TMEM120B: variants seen among roughly 807,000 people sequenced by gnomAD.
TMEM120B encodes transmembrane protein 120B.
In TMEM120B, 31 loss-of-function variants were observed where a neutral mutation model predicts 55.5. That is an observed-to-expected ratio of 0.56 (90% CI 0.42 to 0.75). The LOEUF is 0.75. TMEM120B is among the 30% of genes least tolerant of loss of function. The pLI, the probability that TMEM120B is intolerant of heterozygous loss-of-function variation, is 0.00. For synonymous variants in TMEM120B, 203 were observed against 176.3 expected (o/e 1.15, Z -1.20); for missense variants, 399 against 425.5 (o/e 0.94, Z 0.55).
chr12:121,716,550 T>C (rs1894706166), intron 1 of TMEM120B, among the ~76,000 whole-genome samples: 1 of 133,526 alleles, frequency 7.5e-6, no homozygotes, highest in Non-Finnish European at 1.5e-5. Context: ...CCTCTTTTTC[T>C]CTTTTTTTTT....
At chr12:121,746,059 C>T (rs1873071419) in intron 2 of TMEM120B, among the ~76,000 whole-genome samples, 1 of 151,700 alleles carries the variant, frequency 6.6e-6, no homozygotes, top group Non-Finnish European at 1.5e-5. Flanking sequence ...CAGGGTTTTG[C>T]CATTTTGGCC....
chr12:121,749,147 G>A (rs527683858), intron 3 of TMEM120B, among the ~76,000 whole-genome samples: 1 of 152,294 alleles, frequency 6.6e-6, no homozygotes, highest in African/African-American at 2.4e-5. Flanking sequence ...GGCCTGTAGC[G>A]GGTGGGAGGG....
rs1403218847 is a variant in TMEM120B, at chr12:121,731,524, A to C, written c.70-12105A>C. Among the ~76,000 whole-genome samples, 2 of 152,294 alleles carry C rather than the reference A, an allele frequency of 1.3e-5. 1 individual carries two copies. Among genetic ancestry groups the C allele is most frequent in the Non-Finnish European group, 2.9e-5 (2 of 68,026 alleles). ...CCCTAGGCCCTGTTTAGATACATTT[A>C]GATACATGAATACTTACCACTGTGT... On this transcript the variant is annotated intron_variant, in intron 1 of 11. Transcript: ENST00000449592.
At chr12:121,733,454 T>C (rs552710952) in intron 1 of TMEM120B, among the ~76,000 whole-genome samples, 8 of 151,646 alleles carry the variant, frequency 5.3e-5, no homozygotes, top group Non-Finnish European at 1.2e-4. Context: ...CCATGTTAGC[T>C]AGGATGGGTT....
intron 8 of TMEM120B, 113 bp downstream of exon 8, chr12:121,771,662 G>C: frequency 4.6e-6 from 5 of 1,098,338 alleles, no homozygotes; most frequent in Non-Finnish European, 6.9e-6. Context: ...AGGGAGACCA[G>C]ACTGGGGGAG....
chr12:121,744,308 C>A (rs989421092), intron 2 of TMEM120B, among the ~76,000 whole-genome samples: 1 of 152,212 alleles, frequency 6.6e-6, no homozygotes, highest in African/African-American at 2.4e-5. Context: ...CATTTGTGAA[C>A]CAATCACTGA....
chr12:121,738,012 CAAAA>C (rs59357934), intron 1 of TMEM120B, among the ~76,000 whole-genome samples: 1 of 69,388 alleles, frequency 1.4e-5, no homozygotes. Context: ...CCTGTCTCCA[CAAAA>C]AAAAAAAAAA....
intron 5 of TMEM120B, chr12:121,758,090 G>C: frequency 1.1e-6 from 1 of 900,166 alleles, no homozygotes; most frequent in Non-Finnish European, 1.3e-6. Flanking sequence ...CTGCACTCCA[G>C]CCTGACTCTA....
At chr12:121,728,961 C>T (rs1194659115) in intron 1 of TMEM120B, among the ~76,000 whole-genome samples, 13 of 152,200 alleles carry the variant, frequency 8.5e-5, no homozygotes, top group Non-Finnish European at 1.8e-4. Flanking sequence ...TTGCTGGTTC[C>T]AGATGCCCAT....
intron 1 of TMEM120B, among the ~76,000 whole-genome samples, chr12:121,735,754 A>G (rs1396615738): frequency 1.4e-5 from 2 of 140,800 alleles, no homozygotes; most frequent in African/African-American, 5.3e-5. Flanking sequence ...GCAGTGGCGC[A>G]TTCTCGGCTC....
At chr12:121,759,964 C>G (rs1279549067) in intron 5 of TMEM120B, among the ~76,000 whole-genome samples, 1 of 151,916 alleles carries the variant, frequency 6.6e-6, no homozygotes, top group East Asian at 1.9e-4. Context: ...AACCTCTTCT[C>G]TACTAAAAGT....
At chr12:121,728,086 C>A (rs577938855) in intron 1 of TMEM120B, among the ~76,000 whole-genome samples, 1 of 151,578 alleles carries the variant, frequency 6.6e-6, no homozygotes, top group Non-Finnish European at 1.5e-5. Context: ...CGGTTCACTG[C>A]GCCCTCTGCC....
intron 5 of TMEM120B, among the ~76,000 whole-genome samples, chr12:121,757,403 G>C (rs1470742461): frequency 6.6e-6 from 1 of 150,936 alleles, no homozygotes; most frequent in African/African-American, 2.4e-5. Flanking sequence ...GTGCAGTGGC[G>C]CGATCTTGGC....
intron 5 of TMEM120B, among the ~76,000 whole-genome samples, chr12:121,760,904 C>T (rs939601527): frequency 3.9e-5 from 6 of 152,140 alleles, no homozygotes; most frequent in African/African-American, 1.4e-4. Context: ...ACAAAGTTTA[C>T]AGATGCTTTA....
At chr12:121,716,918 T>C (rs964261400) in intron 1 of TMEM120B, among the ~76,000 whole-genome samples, 3 of 152,148 alleles carry the variant, frequency 2.0e-5, no homozygotes, top group African/African-American at 7.2e-5. Flanking sequence ...CCCAGAAGAT[T>C]TGAAAGATCT....
intron 1 of TMEM120B, among the ~76,000 whole-genome samples, chr12:121,715,191 T>C (rs1894678138): frequency 6.6e-6 from 1 of 151,886 alleles, no homozygotes; most frequent in South Asian, 2.1e-4. Flanking sequence ...CAAAATTAGC[T>C]GGGTGTGGTG....
chr12:121,734,585 T>C (rs996462921), intron 1 of TMEM120B, among the ~76,000 whole-genome samples: 1 of 152,024 alleles, frequency 6.6e-6, no homozygotes, highest in African/African-American at 2.4e-5. Context: ...TTTGTTTTTT[T>C]AGTTTGCAAA....
chr12:121,739,288 G>A (rs1057253389), intron 1 of TMEM120B, among the ~76,000 whole-genome samples: 1 of 152,108 alleles, frequency 6.6e-6, no homozygotes, highest in South Asian at 2.1e-4. Flanking sequence ...AGTACCAGAA[G>A]GCATGAGACT....
At chr12:121,715,049 A>G (rs1355610676) in intron 1 of TMEM120B, among the ~76,000 whole-genome samples, 1 of 152,100 alleles carries the variant, frequency 6.6e-6, no homozygotes, top group African/African-American at 2.4e-5. Flanking sequence ...TTAACACTTC[A>G]GAGTGAGGCC....
Sources: gnomAD v4.1 joint callset for allele counts (sites outside exome capture counted in the v4.1 genomes callset) on GRCh38, gnomAD v4.1.1 for gene constraint, MANE v1.5 for transcripts, NCBI Gene and HGNC (gene_info 2026-07-23, HGNC 2026-07-21) for gene names.